The following WWTR1 variants were observed in gnomAD, a reference collection of about 807,000 sequenced individuals.
The protein encoded by WWTR1 is WW domain-containing transcription regulator protein 1.
A neutral mutation model predicts 40.1 loss-of-function variants in WWTR1; 13 were observed. The observed-to-expected ratio is 0.32, with a 90% CI of 0.21 to 0.52. The LOEUF is 0.52. Ranked by LOEUF, WWTR1 falls within the 20% of genes least tolerant of loss-of-function variation. The pLI is 0.97. For synonymous variants in WWTR1, 230 were observed against 210.1 expected, an observed-to-expected ratio of 1.09 and a Z score of -0.82; for missense variants, 436 against 523.1, an observed-to-expected ratio of 0.83 and a Z score of 1.63.
chr3:149,708,308 A>C (rs1264575028), intron 5 of WWTR1, among the ~76,000 whole-genome samples: 1 of 151,676 alleles, frequency 6.6e-6, no homozygotes, highest in Non-Finnish European at 1.5e-5. Flanking sequence ...CTGGTTTTTT[A>C]ATTGTGGTAA....
intron 2 of WWTR1, among the ~76,000 whole-genome samples, chr3:149,652,855 G>T (rs1712974022): frequency 6.6e-6 from 1 of 151,830 alleles, no homozygotes; most frequent in Non-Finnish European, 1.5e-5. Flanking sequence ...AACAATCTAA[G>T]AATTAAATAT....
chr3:149,581,966 T>C (rs934339811), intron 2 of WWTR1, among the ~76,000 whole-genome samples: 13 of 152,266 alleles, frequency 8.5e-5, no homozygotes, highest in Non-Finnish European at 1.3e-4. Context: ...AAATCAGGAC[T>C]GTAATACCCG....
At chr3:149,562,294 C>CA (rs11446637) in intron 3 of WWTR1, among the ~76,000 whole-genome samples, 3,758 of 93,894 alleles carry the variant, frequency 0.04, 126 homozygotes, top group African/African-American at 0.1. Context: ...GATTCTGTCT[C>CA]AAAAAAAAAA....
chr3:149,609,693 G>C (rs959577305), intron 2 of WWTR1, among the ~76,000 whole-genome samples: 3 of 152,020 alleles, frequency 2.0e-5, no homozygotes, highest in Admixed American at 2.0e-4. Context: ...AATGTTTCTC[G>C]ACCTTTGCAC....
chr3:149,596,195 G>A (rs1202608491), intron 2 of WWTR1, among the ~76,000 whole-genome samples: 1 of 152,116 alleles, frequency 6.6e-6, no homozygotes, highest in African/African-American at 2.4e-5. Context: ...TACAGTAAAG[G>A]ACAGTAAGTG....
chr3:149,564,560 C>A (rs991613406), intron 3 of WWTR1, among the ~76,000 whole-genome samples: 1 of 151,038 alleles, frequency 6.6e-6, no homozygotes, highest in African/African-American at 2.4e-5. Flanking sequence ...TAGAGGGAAT[C>A]ACCCTTAACT....
intron 2 of WWTR1, among the ~76,000 whole-genome samples, chr3:149,635,844 A>C (rs1293820312): frequency 6.6e-6 from 1 of 152,214 alleles, no homozygotes; most frequent in Non-Finnish European, 1.5e-5. Flanking sequence ...TTTAAAATAA[A>C]AAAAAGGCAA....
At chr3:149,666,561 G>T (rs1338231980) in intron 2 of WWTR1, among the ~76,000 whole-genome samples, 1 of 151,958 alleles carries the variant, frequency 6.6e-6, no homozygotes. Context: ...TTCAACTATG[G>T]CAATAATAAT....
intron 2 of WWTR1, among the ~76,000 whole-genome samples, chr3:149,578,861 C>T (rs2108008920): frequency 6.6e-6 from 1 of 152,140 alleles, no homozygotes; most frequent in South Asian, 2.1e-4. Context: ...CCAGCCTGGG[C>T]AACAAGAGTG....
chr3:149,632,115 T>G (rs1711577614), intron 2 of WWTR1, among the ~76,000 whole-genome samples: 1 of 152,176 alleles, frequency 6.6e-6, no homozygotes, highest in African/African-American at 2.4e-5. Flanking sequence ...TCTCACTATG[T>G]TGCCCAGGTT....
At chr3:149,548,577 G>C (rs1736474548) in intron 3 of WWTR1, among the ~76,000 whole-genome samples, 1 of 152,196 alleles carries the variant, frequency 6.6e-6, no homozygotes. Context: ...GCCTGCAAGG[G>C]GCTGGCTCTG....
At chr3:149,678,639 T>C (rs1299762746) in intron 1 of WWTR1, among the ~76,000 whole-genome samples, 1 of 152,094 alleles carries the variant, frequency 6.6e-6, no homozygotes, top group African/African-American at 2.4e-5. Flanking sequence ...TCAATTTCTT[T>C]ATGTACCAGC....
At chr3:149,524,463 G>A (rs892684406) in intron 6 of WWTR1, among the ~76,000 whole-genome samples, 13 of 151,664 alleles carry the variant, frequency 8.6e-5, no homozygotes, top group Admixed American at 8.6e-4. Flanking sequence ...ATAGGAAGGA[G>A]CCACTTCCTA....
chr3:149,662,723 G>T (rs1713638904), upstream of WWTR1, among the ~76,000 whole-genome samples: 1 of 151,986 alleles, frequency 6.6e-6, no homozygotes, highest in South Asian at 2.1e-4. Flanking sequence ...ACAAGTATAT[G>T]AGTCAAAGCT....
chr3:149,662,017 C>T (rs1265891846), upstream of WWTR1, among the ~76,000 whole-genome samples: 1 of 152,208 alleles, frequency 6.6e-6, no homozygotes, highest in Admixed American at 6.5e-5. Context: ...AGGCGTGAGC[C>T]ACCTCGCCCG....
intron 5 of WWTR1, among the ~76,000 whole-genome samples, chr3:149,527,633 A>G (rs1258048425): frequency 6.6e-6 from 1 of 152,028 alleles, no homozygotes; most frequent in Non-Finnish European, 1.5e-5. Flanking sequence ...CCTATCACCA[A>G]TTTTTTAATT....
intron 3 of WWTR1, among the ~76,000 whole-genome samples, chr3:149,561,441 TA>T (rs1193907604): frequency 6.6e-6 from 1 of 152,176 alleles, no homozygotes; most frequent in Non-Finnish European, 1.5e-5. Context: ...ACTTTATTGG[TA>T]GGGGTGTCAA....
At chr3:149,543,183 A>G (rs908794294) in intron 3 of WWTR1, among the ~76,000 whole-genome samples, 1 of 152,260 alleles carries the variant, frequency 6.6e-6, no homozygotes, top group African/African-American at 2.4e-5. Flanking sequence ...TTATGCAGAA[A>G]TGCTAAACAT....
intron 2 of WWTR1, among the ~76,000 whole-genome samples, chr3:149,598,923 G>A (rs941037049): frequency 6.6e-6 from 1 of 151,888 alleles, no homozygotes; most frequent in Non-Finnish European, 1.5e-5. Context: ...AAAAAGTACG[G>A]CCTTATTACT....
Sources: allele counts gnomAD v4.1 joint callset (sites outside exome capture counted in the v4.1 genomes callset), GRCh38; gene constraint gnomAD v4.1.1; transcripts MANE v1.5; gene names NCBI Gene and HGNC (gene_info 2026-07-23, HGNC 2026-07-21).